The following EFNA5 variants were observed in gnomAD, a reference collection of about 807,000 sequenced individuals.
EFNA5 encodes ephrin-A5.
In EFNA5, 5 loss-of-function variants were observed where a neutral mutation model predicts 22.9. The ratio of observed to expected loss-of-function variants is 0.22; its 90% CI spans 0.11 to 0.46. The LOEUF (loss-of-function observed/expected upper bound fraction) is 0.46. Among genes scored for constraint, EFNA5 ranks in the 20% least tolerant of loss-of-function variants. The pLI, the probability that EFNA5 is intolerant of heterozygous loss-of-function variation, is 0.99. For missense variants in EFNA5, 237 were observed against 293.3 expected, an observed-to-expected ratio of 0.81 and a Z score of 1.40; for synonymous variants, 113 against 112.2, an observed-to-expected ratio of 1.01 and a Z score of -0.04.
chr5:107,476,503 A>T (rs1750313954), intron 1 of EFNA5, among the ~76,000 whole-genome samples: 1 of 152,188 alleles, frequency 6.6e-6, no homozygotes, highest in African/African-American at 2.4e-5. Flanking sequence ...GTTTCAAAAC[A>T]GACCCTTCTA....
At chr5:107,521,903 G>A (rs1747607487) in intron 1 of EFNA5, among the ~76,000 whole-genome samples, 1 of 151,986 alleles carries the variant, frequency 6.6e-6, no homozygotes, top group Non-Finnish European at 1.5e-5. Context: ...AGTGATCATT[G>A]CACACTACAG....
intron 1 of EFNA5, among the ~76,000 whole-genome samples, chr5:107,542,276 C>A (rs1171779323): frequency 6.6e-6 from 1 of 152,088 alleles, no homozygotes; most frequent in African/African-American, 2.4e-5. Flanking sequence ...CCAAGCTGTA[C>A]TGAAAGGAAA....
At chr5:107,489,262 C>T (rs1231923258) in intron 1 of EFNA5, among the ~76,000 whole-genome samples, 1 of 152,150 alleles carries the variant, frequency 6.6e-6, no homozygotes, top group Admixed American at 6.5e-5. Context: ...CAACCGCCGC[C>T]TTCCAGGTTC....
chr5:107,632,128 T>C (rs892162528), intron 1 of EFNA5, among the ~76,000 whole-genome samples: 1 of 152,186 alleles, frequency 6.6e-6, no homozygotes, highest in African/African-American at 2.4e-5. Flanking sequence ...TCTCTCTCTT[T>C]TCTCTTTACT....
At chr5:107,487,204 G>T (rs1387152998) in intron 1 of EFNA5, among the ~76,000 whole-genome samples, 1 of 152,078 alleles carries the variant, frequency 6.6e-6, no homozygotes, top group Non-Finnish European at 1.5e-5. Flanking sequence ...GGGACACACT[G>T]CTGTGCCTGT....
At chr5:107,445,448 T>C (rs1194804493) in intron 1 of EFNA5, among the ~76,000 whole-genome samples, 2 of 152,172 alleles carry the variant, frequency 1.3e-5, no homozygotes, top group African/African-American at 2.4e-5. Context: ...CTTCACTATG[T>C]CCAAAAAGGA....
intron 1 of EFNA5, among the ~76,000 whole-genome samples, chr5:107,663,089 G>A (rs955374477): frequency 6.6e-6 from 1 of 151,928 alleles, no homozygotes; most frequent in Non-Finnish European, 1.5e-5. Flanking sequence ...ATAAGATAGC[G>A]CTTTAAATGT....
At chr5:107,505,778 A>C (rs1403272795) in intron 1 of EFNA5, among the ~76,000 whole-genome samples, 3 of 152,158 alleles carry the variant, frequency 2.0e-5, no homozygotes, top group Non-Finnish European at 4.4e-5. Context: ...GCTATTCTAC[A>C]TTCTTTACCT....
chr5:107,577,456 C>T (rs189223561), intron 1 of EFNA5, among the ~76,000 whole-genome samples: 33 of 152,116 alleles, frequency 2.2e-4, no homozygotes, highest in Middle Eastern at 3.4e-3. Flanking sequence ...GAAGGTTCAG[C>T]AATAAGGGTT....
intron 1 of EFNA5, among the ~76,000 whole-genome samples, chr5:107,490,825 T>C (rs903281138): frequency 6.6e-6 from 1 of 152,208 alleles, no homozygotes; most frequent in Admixed American, 6.5e-5. Context: ...TCAGTATTAA[T>C]CCTAGTTACA....
Position 107,653,608 on chromosome 5 carries a change from GATTTT to G in EFNA5, c.125+16876_125+16880del, listed in dbSNP as rs565614995. Among the ~76,000 whole-genome samples the G allele has an allele frequency of 5.9e-5, 9 of 152,278 alleles. No individual in the cohort carries two copies. In the East Asian group the frequency reaches 1.7e-3, roughly 29 times the overall value. ...CAGGGGGAGTCCCCAGAGGTTTCTA[GATTTT>G]ATTTTAACTAGAGGGAAGAGGGGTA... is the stretch of plus-strand genomic sequence containing the variant. On this transcript the variant is annotated intron_variant, in intron 1 of 4. Coordinates refer to ENST00000333274, the MANE Select transcript of EFNA5 (RefSeq NM_001962.3).
At chr5:107,416,830 T>C (rs545680057) in intron 2 of EFNA5, among the ~76,000 whole-genome samples, 2 of 152,330 alleles carry the variant, frequency 1.3e-5, no homozygotes, top group East Asian at 3.9e-4. Flanking sequence ...CCTTGCTTAC[T>C]TAGATTTGCC....
At chr5:107,655,509 T>C (rs561643387) in intron 1 of EFNA5, among the ~76,000 whole-genome samples, 44 of 152,246 alleles carry the variant, frequency 2.9e-4, no homozygotes, top group African/African-American at 1.1e-3. Flanking sequence ...TTATTACTAG[T>C]GGCCAAGTTC....
chr5:107,577,807 T>G (rs1748954949), intron 1 of EFNA5, among the ~76,000 whole-genome samples: 1 of 152,154 alleles, frequency 6.6e-6, no homozygotes. Flanking sequence ...ATGCATGTGG[T>G]CAAAAGTTTA....
At chr5:107,473,059 C>T (rs547135380) in intron 1 of EFNA5, among the ~76,000 whole-genome samples, 3 of 152,220 alleles carry the variant, frequency 2.0e-5, no homozygotes, top group South Asian at 4.1e-4. Context: ...TGCTCTCACT[C>T]ATTCCAGGGA....
At chr5:107,552,044 T>C (rs945039139) in intron 1 of EFNA5, among the ~76,000 whole-genome samples, 1 of 152,144 alleles carries the variant, frequency 6.6e-6, no homozygotes, top group Non-Finnish European at 1.5e-5. Context: ...GACTCAAGTT[T>C]TTTTTTTCAA....
At chr5:107,611,138 T>A (rs572833822) in intron 1 of EFNA5, among the ~76,000 whole-genome samples, 1 of 152,224 alleles carries the variant, frequency 6.6e-6, no homozygotes, top group South Asian at 2.1e-4. Context: ...GGAAGAACTC[T>A]GCCTAGCAAC....
At chr5:107,554,579 T>C (rs1481673410) in intron 1 of EFNA5, among the ~76,000 whole-genome samples, 1 of 152,196 alleles carries the variant, frequency 6.6e-6, no homozygotes, top group African/African-American at 2.4e-5. Flanking sequence ...GAAACAATTA[T>C]AATCATTTCA....
At chr5:107,592,359 A>C (rs1749388804) in intron 1 of EFNA5, among the ~76,000 whole-genome samples, 1 of 151,956 alleles carries the variant, frequency 6.6e-6, no homozygotes, top group Non-Finnish European at 1.5e-5. Context: ...TTGGTATATA[A>C]ATTTGACCAA....
Sources: gnomAD v4.1 joint callset for allele counts (sites outside exome capture counted in the v4.1 genomes callset) on GRCh38, gnomAD v4.1.1 for gene constraint, MANE v1.5 for transcripts, NCBI Gene and HGNC (gene_info 2026-07-23, HGNC 2026-07-21) for gene names.